ANKRD50: variants seen among roughly 807,000 people sequenced by gnomAD.
The protein encoded by ANKRD50 is ankyrin repeat domain 50, also known as ankyrin repeat domain-containing protein 50.
A neutral mutation model predicts 112.0 loss-of-function variants in ANKRD50; 40 were observed. The ratio of observed to expected loss-of-function variants is 0.36; its 90% CI spans 0.28 to 0.46. The LOEUF is 0.46. ANKRD50 is among the 20% of genes least tolerant of loss of function. ANKRD50 has a pLI of 1.00. For synonymous variants in ANKRD50, 613 were observed against 619.1 expected, an observed-to-expected ratio of 0.99 and a Z score of 0.15; for missense variants, 1,487 against 1,701.7, an observed-to-expected ratio of 0.87 and a Z score of 2.22.
At chr4:124,690,561 A>C (rs577692536) in intron 2 of ANKRD50, among the ~76,000 whole-genome samples, 21 of 152,326 alleles carry the variant, frequency 1.4e-4, no homozygotes, top group African/African-American at 4.8e-4. Flanking sequence ...CAATACAATA[A>C]ACAGTACAAT....
Position 124,671,317 on chromosome 4 carries a change from C to A in ANKRD50, c.1960G>T (p.Gly654Ter), listed in dbSNP as rs1730645642. 1 of 1,613,694 alleles carries A rather than the reference C, an allele frequency of 6.2e-7. No individual in the cohort carries two copies. Among genetic ancestry groups the A allele is most frequent in the Non-Finnish European group, 8.5e-7 (1 of 1,179,842 alleles). The change falls in exon 4 of 5, where the codon GGA (glycine) becomes TGA (stop). Residue 654 changes from glycine to a stop codon, truncating the protein, a stop_gained. Coordinates refer to ENST00000504087, the MANE Select transcript of ANKRD50 (RefSeq NM_020337.3). LOFTEE classifies it high-confidence loss of function. ...TTCAGTACAATATCCTCGTGTCCTC[C>A]CCATGCTGCTGCTCTCAAAGCTGTT... ...SRTALRAAAWGGHEDIVLNLL... is the reference protein window; with the variant it reads ...SRTALRAAAW
rs150596645 is a variant in ANKRD50 at position 124,670,957 on chromosome 4, C to T, written c.2320G>A (p.Val774Ile). Residue 774 changes from valine (V) to isoleucine (I), a missense_variant, in exon 4 of 5, where the codon GTA (valine) becomes ATA (isoleucine). This residue lies in a region of ANKRD50 where 1,046 missense variants were observed against 1,269.5 expected (regional missense o/e 0.82). Transcript: ENST00000504087. ...VDLLLEGGAD[V>I]DHTDNNGRTP... ...CGGCCATTGTTATCTGTGTGATCTA[C>T]ATCTGCTCCCCCTTCTAGAAGCAAG... 1.9e-6 allele frequency: 3 copies of T among 1,613,790 alleles called. No individual in the cohort carries two copies. Among genetic ancestry groups the T allele is most frequent in the African/African-American group, 1.3e-5 (1 of 74,890 alleles).
At chr4:124,689,473 T>G (rs2110518648) in intron 2 of ANKRD50, among the ~76,000 whole-genome samples, 1 of 152,226 alleles carries the variant, frequency 6.6e-6, no homozygotes, top group South Asian at 2.1e-4. Context: ...GAAACTGACA[T>G]TTGAATGGGT....
Position 124,668,984 on chromosome 4 carries a change from CTTT to C in ANKRD50, c.4290_*2del. On this transcript the variant is annotated splice_region_variant and stop_retained_variant and 3_prime_UTR_variant, in exon 4 of 5. Coordinates refer to ENST00000504087, the MANE Select transcript of ANKRD50 (RefSeq NM_020337.3). Reference sequence around the variant, plus strand: ...ACTCTTTATGTTGACAAAATATTACCTTTTATAATGGTGTTTCCTTTTTATAGT... The same window carrying C: ...ACTCTTTATGTTGACAAAATATTACCTATAATGGTGTTTCCTTTTTATAGT... The C allele has an allele frequency of 6.3e-7, 1 of 1,593,102 alleles. No individual in the cohort carries two copies. Among genetic ancestry groups the C allele is most frequent in the South Asian group, 1.2e-5 (1 of 86,380 alleles).
chr4:124,672,398 A>G lies in ANKRD50; in HGVS notation c.879T>C (p.Asn293=). The change falls in exon 4 of 5, where the codon AAT becomes AAC. Residue 293 remains asparagine, a synonymous_variant. Coordinates refer to ENST00000504087, the MANE Select transcript of ANKRD50 (RefSeq NM_020337.3). ...HLTKETAEML[N]QLHIKSSGCF... is the part of the protein sequence containing the mutation. ...ATCCACTGCTTTTAATGTGCAGTTGATTTAACATCTCTGCAGTTTCTTTTG... is the reference window on the plus strand; with the variant it reads ...ATCCACTGCTTTTAATGTGCAGTTGGTTTAACATCTCTGCAGTTTCTTTTG... 2 of 1,613,336 alleles carry G rather than the reference A, an allele frequency of 1.2e-6. No individual in the cohort carries two copies. The highest frequency in any genetic ancestry group is 1.7e-6 in the Non-Finnish European group (2 of 1,179,738).
intron 2 of ANKRD50, among the ~76,000 whole-genome samples, chr4:124,703,645 C>T (rs1191379695): frequency 6.6e-6 from 1 of 150,672 alleles, no homozygotes; most frequent in East Asian, 1.9e-4. Flanking sequence ...GGAATGAGAA[C>T]CAAGTACTGT....
At chr4:124,698,661 T>A (rs1374867805) in intron 2 of ANKRD50, among the ~76,000 whole-genome samples, 1 of 152,132 alleles carries the variant, frequency 6.6e-6, no homozygotes, top group East Asian at 1.9e-4. Flanking sequence ...ATTTGCTTAT[T>A]TCACTCTCAT....
At chr4:124,682,558 T>C (rs1452512488) in intron 2 of ANKRD50, among the ~76,000 whole-genome samples, 2 of 152,140 alleles carry the variant, frequency 1.3e-5, no homozygotes, top group Non-Finnish European at 2.9e-5. Context: ...ATTTTGAAGT[T>C]CTGTTTTAAG....
At chr4:124,677,413 A>G (rs1730797677) in intron 3 of ANKRD50, among the ~76,000 whole-genome samples, 1 of 152,036 alleles carries the variant, frequency 6.6e-6, no homozygotes, top group African/African-American at 2.4e-5. Context: ...AAAAATAAAA[A>G]GAGATTTATT....
chr4:124,687,511 G>GA (rs965493066), intron 2 of ANKRD50, among the ~76,000 whole-genome samples: 9 of 147,648 alleles, frequency 6.1e-5, no homozygotes, highest in East Asian at 2.0e-4. Flanking sequence ...TCCATAGAAG[G>GA]AAAAAAAAAA....
In ANKRD50 at chr4:124,664,069, C is replaced by G. The variant is rs1227204804; in HGVS notation, c.*3449G>C. On this transcript the variant is annotated 3_prime_UTR_variant, in exon 5 of 5. Coordinates refer to ENST00000504087, the MANE Select transcript of ANKRD50 (RefSeq NM_020337.3). Reference sequence around the variant, plus strand: ...CAAGTTTACTGAGTGAAGAAACACACAAATTTTATTTAGAAAATGAATGAC... The same window carrying G: ...CAAGTTTACTGAGTGAAGAAACACAGAAATTTTATTTAGAAAATGAATGAC... 2 of 151,814 alleles carry G rather than the reference C, an allele frequency of 1.3e-5. No homozygotes were observed. The highest frequency in any genetic ancestry group is 2.9e-5 in the Non-Finnish European group (2 of 67,888). The allele number at this position is 151,814 out of a possible 1,614,324, so 9.4% of individuals were successfully genotyped here.
intron 3 of ANKRD50, among the ~76,000 whole-genome samples, chr4:124,674,101 T>A (rs1226645730): frequency 6.6e-6 from 1 of 152,028 alleles, no homozygotes; most frequent in East Asian, 1.9e-4. Context: ...TTTGACTTTA[T>A]CAATTCACTT....
In ANKRD50 at chr4:124,669,537, T is replaced by G. The variant is rs1372145271; in HGVS notation, c.3740A>C (p.Asn1247Thr). 4 of 1,613,052 alleles carry G rather than the reference T, an allele frequency of 2.5e-6. No homozygotes were observed. The highest frequency in any genetic ancestry group is 3.4e-6 in the Non-Finnish European group (4 of 1,179,742). ...CCACTCAAATTCACTACTTGGTGAA[T>G]TATGACTCTGTCCTAAGGACTGTGT... ...STTQSLGQSH[N>T]SPSSEFEWSQ... Residue 1247 changes from asparagine (N) to threonine (T), a missense_variant, in exon 4 of 5, where the codon AAT becomes ACT. Physicochemically the swap from Asn to Thr is moderately conservative, Grantham distance 65. This residue lies in a region of ANKRD50 where 441 missense variants were observed against 432.2 expected (regional missense o/e 1.02). Coordinates refer to ENST00000504087, the MANE Select transcript of ANKRD50 (RefSeq NM_020337.3).
chr4:124,664,698 C>T lies in ANKRD50; in HGVS notation c.*2820G>A, dbSNP rs1234032448. 1 of 152,306 alleles carries T rather than the reference C, an allele frequency of 6.6e-6. No homozygotes were observed. The highest frequency in any genetic ancestry group is 1.9e-4 in the East Asian group (1 of 5,188). The allele number at this position is 152,306 out of a possible 1,614,324, so 9.4% of individuals were successfully genotyped here. A position where few individuals can be genotyped will look rare whatever the true frequency, so the allele number is the denominator to read the frequency against. ...TGTAAATGGAGGACATTAAGCAAAACAAATATTTGCATAGCCAAAACAATA... is the reference window on the plus strand; with the variant it reads ...TGTAAATGGAGGACATTAAGCAAAATAAATATTTGCATAGCCAAAACAATA... On this transcript the variant is annotated 3_prime_UTR_variant, in exon 5 of 5. Transcript: ENST00000504087.
In ANKRD50 at chr4:124,671,671, C is replaced by T; in HGVS notation, c.1606G>A (p.Ala536Thr). The T allele has an allele frequency of 2.5e-6, 4 of 1,613,834 alleles. No individual in the cohort carries two copies. The highest frequency in any genetic ancestry group is 3.4e-6 in the Non-Finnish European group (4 of 1,179,838). The change falls in exon 4 of 5, where the codon GCT becomes ACT. Residue 536 changes from alanine to threonine, a missense_variant. Physicochemically the swap from Ala to Thr is moderately conservative, Grantham distance 58. Around this residue, in one of 2 missense-constraint regions of ANKRD50, gnomAD observed 1,046 missense variants for 1,269.5 expected, o/e 0.82. Transcript: ENST00000504087. ...TTTGAATCACACTGATTTACTGAAG[C>T]TCCATTATCTAATAATGTCCGAATG... ...DSIRTLLDNG[A>T]SVNQCDSNGR...
intron 2 of ANKRD50, among the ~76,000 whole-genome samples, chr4:124,699,069 C>T (rs542841430): frequency 2.0e-5 from 3 of 152,164 alleles, no homozygotes; most frequent in African/African-American, 7.2e-5. Context: ...CGTGTGTATA[C>T]CTATATATCT....
intron 2 of ANKRD50, among the ~76,000 whole-genome samples, chr4:124,696,542 A>G (rs1365894327): frequency 1.3e-5 from 2 of 152,090 alleles, no homozygotes; most frequent in Non-Finnish European, 2.9e-5. Context: ...AAAATAGAAA[A>G]AATACCAAGA....
chr4:124,667,400 A>G lies in ANKRD50; in HGVS notation c.*118T>C, dbSNP rs1224386199. Reference sequence around the variant, plus strand: ...ACAGTAATTAAGGTAACTGTACTGCAGAGATCACATTCTTCATTTTTTTTG... The same window carrying G: ...ACAGTAATTAAGGTAACTGTACTGCGGAGATCACATTCTTCATTTTTTTTG... On this transcript the variant is annotated 3_prime_UTR_variant, in exon 5 of 5. Coordinates refer to ENST00000504087, the MANE Select transcript of ANKRD50 (RefSeq NM_020337.3). 1.3e-5 allele frequency: 2 copies of G among 152,070 alleles called. No individual in the cohort carries two copies. The allele number at this position is 152,070 out of a possible 1,614,324, so 9.4% of individuals were successfully genotyped here.
chr4:124,671,153 A>G lies in ANKRD50; in HGVS notation c.2124T>C (p.Val708=), dbSNP rs1730638080. The change falls in exon 4 of 5, where the codon GTT becomes GTC. Residue 708 remains valine, a synonymous_variant. Transcript: ENST00000504087. ...DHGAEVNHED[V]DGRTALSVAA... ...CTACAGAGAGTGCAGTCCTGCCATC[A>G]ACATCCTCATGATTTACTTCTGCTC... 6.2e-7 allele frequency: 1 copy of G among 1,613,888 alleles called. No homozygotes were observed. The highest frequency in any genetic ancestry group is 8.5e-7 in the Non-Finnish European group (1 of 1,179,854).
Sources: gnomAD v4.1 joint callset for allele counts (sites outside exome capture counted in the v4.1 genomes callset) on GRCh38, gnomAD v4.1.1 for gene constraint, gnomAD v4.1.1 regional missense constraint, MANE v1.5 for transcripts, NCBI Gene and HGNC (gene_info 2026-07-23, HGNC 2026-07-21) for gene names.